Variants in ATP8B4 observed in about 807,000 individuals in gnomAD.
The protein encoded by ATP8B4 is probable phospholipid-transporting ATPase IM.
Under a neutral mutation model 145.6 loss-of-function variants are expected in ATP8B4, and 133 were observed. That is an observed-to-expected ratio of 0.91 (90% CI 0.79 to 1.05). ATP8B4 has a LOEUF of 1.05. ATP8B4 is among the 50% of genes least tolerant of loss of function. The pLI is 0.00. For missense variants in ATP8B4, 1,458 were observed against 1,425.2 expected (o/e 1.02, Z -0.37); for synonymous variants, 507 against 492.9 (o/e 1.03, Z -0.38).
At chr15:49,983,374 A>G (rs1392186581) in intron 10 of ATP8B4, among the ~76,000 whole-genome samples, 1 of 152,142 alleles carries the variant, frequency 6.6e-6, no homozygotes, top group East Asian at 1.9e-4. Flanking sequence ...GTTGGAAGAA[A>G]CCTCAGTCAT....
rs151024659 is a variant in ATP8B4 at position 49,893,138 on chromosome 15, C to A, written c.2697+4154G>T. On this transcript the variant is annotated intron_variant, in intron 23 of 27. Coordinates refer to ENST00000284509, the MANE Select transcript of ATP8B4 (RefSeq NM_024837.4). ...TATACTTTTGATTGTAAAGACATAT[C>A]CAAGTCTTAGAGATGTCAGATGTGA... 3.1e-4 allele frequency among the ~76,000 whole-genome samples: 47 copies of A among 152,272 alleles called. No individual in the cohort carries two copies. The East Asian group carries it at 8.1e-3, about 26-fold the overall frequency.
intron 6 of ATP8B4, among the ~76,000 whole-genome samples, chr15:50,026,226 C>T (rs1163963854): frequency 6.6e-6 from 1 of 152,206 alleles, no homozygotes; most frequent in African/African-American, 2.4e-5. Context: ...CCTTCTTTGG[C>T]TCCTCACCAT....
At chr15:49,922,472 C>G in intron 17 of ATP8B4, 2 of 401,690 alleles carry the variant, frequency 5.0e-6, no homozygotes, top group South Asian at 3.6e-5. Flanking sequence ...ATGTTTGTAA[C>G]CAATATTACC....
chr15:49,879,688 C>T (rs1200932216), intron 23 of ATP8B4: 1 of 439,064 alleles, frequency 2.3e-6, no homozygotes, highest in Admixed American at 4.1e-5. Context: ...TATACCCTTC[C>T]TGCAGTGTGG....
At chr15:49,988,005 A>G (rs1249470032) in intron 9 of ATP8B4, among the ~76,000 whole-genome samples, 1 of 152,204 alleles carries the variant, frequency 6.6e-6, no homozygotes, top group African/African-American at 2.4e-5. Context: ...TGACCTCACA[A>G]TCAGGATTTC....
chr15:50,002,690 A>G (rs2047991919), intron 7 of ATP8B4, among the ~76,000 whole-genome samples: 1 of 152,118 alleles, frequency 6.6e-6, no homozygotes, highest in African/African-American at 2.4e-5. Flanking sequence ...TAAAAATAAG[A>G]GGGGCAAGGA....
At chr15:50,157,651 T>A (rs764613605) in intron 1 of ATP8B4, among the ~76,000 whole-genome samples, 2 of 152,216 alleles carry the variant, frequency 1.3e-5, no homozygotes, top group Non-Finnish European at 2.9e-5. Flanking sequence ...CTGTGAAGAA[T>A]ATCATTGGTA....
At chr15:49,965,462 A>T (rs903719570) in intron 13 of ATP8B4, among the ~76,000 whole-genome samples, 4 of 152,214 alleles carry the variant, frequency 2.6e-5, no homozygotes, top group African/African-American at 9.7e-5. Context: ...ATCCACAGAA[A>T]GTTCCGCAGA....
intron 6 of ATP8B4, among the ~76,000 whole-genome samples, chr15:50,036,435 G>T (rs866677208): frequency 1.1e-4 from 16 of 152,194 alleles, no homozygotes; most frequent in South Asian, 6.2e-4. Flanking sequence ...GCTCATAGAA[G>T]TAATGCACAT....
intron 20 of ATP8B4, among the ~76,000 whole-genome samples, chr15:49,916,597 T>A (rs1453952784): frequency 1.3e-5 from 2 of 152,138 alleles, no homozygotes; most frequent in Non-Finnish European, 2.9e-5. Context: ...TTAAGAAGTA[T>A]CTCATGATAC....
intron 1 of ATP8B4, among the ~76,000 whole-genome samples, chr15:50,167,869 C>T (rs1047252755): frequency 2.0e-5 from 3 of 152,016 alleles, no homozygotes; most frequent in African/African-American, 7.2e-5. Flanking sequence ...CAAATGAATA[C>T]ATTAATATGT....
intron 13 of ATP8B4, among the ~76,000 whole-genome samples, chr15:49,963,637 C>G (rs907486057): frequency 6.6e-6 from 1 of 152,132 alleles, no homozygotes; most frequent in Admixed American, 6.5e-5. Flanking sequence ...AATCCATCAT[C>G]CTCAGCAAAC....
chr15:50,139,930 A>G (rs571220380), intron 1 of ATP8B4, among the ~76,000 whole-genome samples: 2 of 152,314 alleles, frequency 1.3e-5, no homozygotes, highest in Admixed American at 6.5e-5. Flanking sequence ...TGTGAATACC[A>G]TATGTTCTCA....
rs184228258 is a variant in ATP8B4 at position 50,078,347 on chromosome 15, C to T, written c.29-4162G>A. On this transcript the variant is annotated intron_variant, in intron 2 of 27. Transcript: ENST00000284509. ...AAGCATGAGCCACCATACCCAGCACCTCAAAGATATTTAAGAAGACATGGC... is the reference window on the plus strand; with the variant it reads ...AAGCATGAGCCACCATACCCAGCACTTCAAAGATATTTAAGAAGACATGGC... Among the ~76,000 whole-genome samples, 5 of 151,706 alleles carry T rather than the reference C, an allele frequency of 3.3e-5. No individual in the cohort carries two copies. In the East Asian group the frequency reaches 9.8e-4, roughly 30 times the overall value.
intron 1 of ATP8B4, among the ~76,000 whole-genome samples, chr15:50,128,776 T>G (rs1044480822): frequency 2.0e-5 from 3 of 152,178 alleles, no homozygotes; most frequent in Non-Finnish European, 4.4e-5. Context: ...AAAAGTTAAG[T>G]AGGCTGGGCG....
chr15:50,055,952 A>C (rs1334504918), intron 3 of ATP8B4, among the ~76,000 whole-genome samples: 1 of 152,122 alleles, frequency 6.6e-6, no homozygotes. Flanking sequence ...GTATCAGCTG[A>C]CTGTTGCCTG....
At chr15:49,933,650 C>T (rs2041467861) in intron 15 of ATP8B4, among the ~76,000 whole-genome samples, 1 of 152,044 alleles carries the variant, frequency 6.6e-6, no homozygotes, top group Non-Finnish European at 1.5e-5. Flanking sequence ...AGATGTGTGA[C>T]TCAACTGTAT....
intron 5 of ATP8B4, 66 bp from the exon 6 acceptor site, chr15:50,038,895 C>A: frequency 7.4e-7 from 1 of 1,354,826 alleles, no homozygotes; most frequent in Non-Finnish European, 1.1e-6. Flanking sequence ...AATAAGCACA[C>A]TGGCAATACT....
intron 9 of ATP8B4, among the ~76,000 whole-genome samples, chr15:49,987,850 G>A (rs1201960511): frequency 2.0e-5 from 3 of 152,006 alleles, no homozygotes; most frequent in African/African-American, 4.8e-5. Context: ...CTTTACTTCC[G>A]GTTTGTAACA....
Sources: allele counts gnomAD v4.1 joint callset (sites outside exome capture counted in the v4.1 genomes callset), GRCh38; gene constraint gnomAD v4.1.1; transcripts MANE v1.5; gene names NCBI Gene and HGNC (gene_info 2026-07-23, HGNC 2026-07-21).